CSMD1: variants seen among roughly 807,000 people sequenced by gnomAD.
CSMD1 encodes CUB and Sushi multiple domains 1, also known as CUB and sushi domain-containing protein 1.
A neutral mutation model predicts 417.5 loss-of-function variants in CSMD1; 213 were observed. The observed-to-expected ratio is 0.51, with a 90% CI of 0.46 to 0.57. The LOEUF (loss-of-function observed/expected upper bound fraction) is 0.57, where lower values mean the gene tolerates loss of function less well. Ranked by LOEUF, CSMD1 falls within the 20% of genes least tolerant of loss-of-function variation. The probability of loss-of-function intolerance (pLI) is 0.00; values close to 1 mark genes in which losing one functional copy is unlikely to be tolerated. For missense variants in CSMD1, 6,923 were observed against 4,529.7 expected, an observed-to-expected ratio of 1.53 and a Z score of -15.17; for synonymous variants, 2,862 against 1,736.8, an observed-to-expected ratio of 1.65 and a Z score of -16.11.
chr8:4,222,392 GTAAACAGAATAAGAAGC>G (rs1801090145), intron 3 of CSMD1, among the ~76,000 whole-genome samples: 1 of 149,438 alleles, frequency 6.7e-6, no homozygotes, highest in Non-Finnish European at 1.5e-5. Context: ...ATCTTATTCT[GTAAACAGAATAAGAAGC>G]TTCCATCTTA....
chr8:3,716,064 A>C (rs1449005531), intron 6 of CSMD1, among the ~76,000 whole-genome samples: 1 of 151,950 alleles, frequency 6.6e-6, no homozygotes, highest in Non-Finnish European at 1.5e-5. Context: ...CCTCCTGTTC[A>C]CTCTGAAACA....
In CSMD1 at chr8:3,387,486, G is replaced by T. The variant is rs372543974; in HGVS notation, c.2782+8C>A. ...TGCTGGTGCATTGCCTCACTGAGCT[G>T]TACCTACCGTCGCAGCTGGGCAAGG... On this transcript the variant is annotated splice_region_variant and intron_variant, in intron 18 of 69. Coordinates refer to ENST00000635120, the MANE Select transcript of CSMD1 (RefSeq NM_033225.6). 2 of 1,591,420 alleles carry T rather than the reference G, an allele frequency of 1.3e-6. No individual in the cohort carries two copies. Among genetic ancestry groups the T allele is most frequent in the African/African-American group, 2.7e-5 (2 of 74,524 alleles).
chr8:4,198,109 T>C (rs2131242484), intron 3 of CSMD1, among the ~76,000 whole-genome samples: 1 of 152,274 alleles, frequency 6.6e-6, no homozygotes, highest in East Asian at 1.9e-4. Context: ...TTAAGGTAAG[T>C]TTTACGGGAG....
chr8:4,924,928 G>A (rs540002316), intron 1 of CSMD1, among the ~76,000 whole-genome samples: 6 of 151,994 alleles, frequency 3.9e-5, no homozygotes, highest in African/African-American at 4.8e-5. Context: ...TTCAAATCCC[G>A]TCTCTTTTTC....
chr8:3,053,704 TG>T (rs1448279806), intron 49 of CSMD1, among the ~76,000 whole-genome samples: 6 of 152,148 alleles, frequency 3.9e-5, no homozygotes, highest in Non-Finnish European at 7.3e-5. Context: ...CTGATCCAGA[TG>T]TATCTACTAT....
chr8:4,617,567 C>A (rs1415404448), intron 2 of CSMD1, among the ~76,000 whole-genome samples: 1 of 152,090 alleles, frequency 6.6e-6, no homozygotes, highest in Non-Finnish European at 1.5e-5. Flanking sequence ...GTGGCGCTCT[C>A]CTTATCGATC....
intron 50 of CSMD1, among the ~76,000 whole-genome samples, chr8:3,052,082 A>C (rs1321935127): frequency 6.6e-6 from 1 of 152,190 alleles, no homozygotes; most frequent in Non-Finnish European, 1.5e-5. Context: ...ATGGAAGATA[A>C]ATAGGAAAGA....
chr8:4,463,603 C>A (rs781687256), intron 2 of CSMD1, among the ~76,000 whole-genome samples: 4 of 152,168 alleles, frequency 2.6e-5, no homozygotes, highest in African/African-American at 7.2e-5. Flanking sequence ...ATTTATTCCA[C>A]AACCTGACAA....
rs1314943685 is a variant in CSMD1, at chr8:4,158,672, G to T, written c.416-126573C>A. Among the ~76,000 whole-genome samples the T allele has an allele frequency of 2.0e-5, 3 of 152,076 alleles. No individual in the cohort carries two copies. The South Asian group carries it at 6.2e-4, about 32-fold the overall frequency. On this transcript the variant is annotated intron_variant, in intron 3 of 69. Transcript: ENST00000635120. The stretch of plus-strand genomic sequence containing the variant: ...AGTGGAAGATCAACGCCGTAATAAT[G>T]AGTATTATGGGCCAGCAGCTATTCC...
At chr8:4,752,751 T>C (rs1811413898) in intron 1 of CSMD1, among the ~76,000 whole-genome samples, 1 of 152,100 alleles carries the variant, frequency 6.6e-6, no homozygotes, top group Admixed American at 6.5e-5. Flanking sequence ...ATTTGCTCCG[T>C]GGAAGGACAA....
At chr8:3,171,637 T>C (rs1457433769) in intron 37 of CSMD1, among the ~76,000 whole-genome samples, 1 of 152,144 alleles carries the variant, frequency 6.6e-6, no homozygotes, top group Non-Finnish European at 1.5e-5. Flanking sequence ...ATCCAAGACA[T>C]AAATTTGGTA....
At chr8:3,472,858 C>T (rs1418212727) in intron 11 of CSMD1, among the ~76,000 whole-genome samples, 2 of 151,970 alleles carry the variant, frequency 1.3e-5, no homozygotes, top group Non-Finnish European at 2.9e-5. Flanking sequence ...TTTCATGTCA[C>T]CAGTCATCGG....
intron 5 of CSMD1, among the ~76,000 whole-genome samples, chr8:3,931,977 G>C (rs866981069): frequency 6.0e-5 from 9 of 149,524 alleles, no homozygotes; most frequent in African/African-American, 2.0e-4. Flanking sequence ...AATTAAAATA[G>C]TATTGATTTA....
chr8:3,395,296 G>A (rs957569616), intron 17 of CSMD1, among the ~76,000 whole-genome samples: 7 of 152,144 alleles, frequency 4.6e-5, no homozygotes, highest in Non-Finnish European at 1.0e-4. Context: ...AGGTCCAATA[G>A]TAATTGCCAC....
At position 3,708,307 on chromosome 8, in the gene CSMD1, G is replaced by A. The variant is rs548274508; in HGVS notation, c.1009+107C>T. ...ACTTTTGGATATAGAAAAGAAGGAA[G>A]AGATAACGTGGGGAAGGTGGTGGGT... On this transcript the variant is annotated intron_variant, in intron 7 of 69. Coordinates refer to ENST00000635120, the MANE Select transcript of CSMD1 (RefSeq NM_033225.6). 28 of 819,324 alleles carry A rather than the reference G, an allele frequency of 3.4e-5. No individual in the cohort carries two copies. In the East Asian group the frequency reaches 5.5e-4, roughly 16 times the overall value. 50.8% of individuals were successfully genotyped at this position (819,324 alleles called of 1,614,324 possible).
At chr8:4,728,964 G>C (rs1385771432) in intron 1 of CSMD1, among the ~76,000 whole-genome samples, 2 of 152,166 alleles carry the variant, frequency 1.3e-5, no homozygotes, top group South Asian at 2.1e-4. Flanking sequence ...GATAGAGATG[G>C]ACAGCTGCAT....
At chr8:4,461,658 C>A (rs530382618) in intron 2 of CSMD1, among the ~76,000 whole-genome samples, 2 of 152,016 alleles carry the variant, frequency 1.3e-5, no homozygotes, top group East Asian at 3.9e-4. Context: ...TCAAGCAATC[C>A]TCCCACCTCA....
intron 5 of CSMD1, among the ~76,000 whole-genome samples, chr8:3,851,322 G>C (rs1035540825): frequency 2.0e-5 from 3 of 152,158 alleles, no homozygotes; most frequent in Admixed American, 6.6e-5. Context: ...ACATAAAAGT[G>C]GGAAATTCCA....
chr8:4,024,069 A>G (rs1796935801), intron 4 of CSMD1, among the ~76,000 whole-genome samples: 1 of 152,168 alleles, frequency 6.6e-6, no homozygotes, highest in Non-Finnish European at 1.5e-5. Context: ...GAGAAAATAT[A>G]CTAGAAAGAG....
Sources: gnomAD v4.1 joint callset for allele counts (sites outside exome capture counted in the v4.1 genomes callset) on GRCh38, gnomAD v4.1.1 for gene constraint, MANE v1.5 for transcripts, NCBI Gene and HGNC (gene_info 2026-07-23, HGNC 2026-07-21) for gene names.